The following ABCC4 variants were observed in gnomAD, a reference collection of about 807,000 sequenced individuals.
ABCC4 encodes ATP binding cassette subfamily C member 4 (PEL blood group).
ABCC4 carries 102 observed loss-of-function variants against 168.5 expected under a neutral mutation model. The ratio of observed to expected loss-of-function variants is 0.61; its 90% confidence interval spans 0.52 to 0.71. ABCC4 has a LOEUF of 0.71. ABCC4 is among the 30% of genes least tolerant of loss of function. ABCC4 has a pLI of 0.00. For missense variants in ABCC4, 1,402 were observed against 1,605.8 expected, an observed-to-expected ratio of 0.87 and a Z score of 2.17; for synonymous variants, 617 against 590.7, an observed-to-expected ratio of 1.04 and a Z score of -0.65.
chr13:95,169,666 T>C (rs1465434432), intron 14 of ABCC4, among the ~76,000 whole-genome samples: 1 of 152,032 alleles, frequency 6.6e-6, no homozygotes, highest in African/African-American at 2.4e-5. Flanking sequence ...CTTGCATCTA[T>C]CTCCAGGAAG....
chr13:95,118,380 A>C (rs2035451809), intron 19 of ABCC4, among the ~76,000 whole-genome samples: 1 of 151,810 alleles, frequency 6.6e-6, no homozygotes, highest in African/African-American at 2.4e-5. Context: ...CGTAGCTGAG[A>C]TTACAGGCAC....
chr13:95,285,543 C>T (rs1457521249), intron 1 of ABCC4, among the ~76,000 whole-genome samples: 4 of 152,142 alleles, frequency 2.6e-5, no homozygotes, highest in African/African-American at 9.7e-5. Context: ...GAGCGGGACT[C>T]CATCTCAAAT....
At position 95,196,729 on chromosome 13, in the gene ABCC4, G is replaced by A. The variant is rs895275499; in HGVS notation, c.1162-1792C>T. Among the ~76,000 whole-genome samples the A allele has an allele frequency of 1.9e-4, 19 of 102,230 alleles. 2 individuals carry two copies. The highest frequency in any genetic ancestry group is 4.6e-3 in the Middle Eastern group (1 of 216). 67.1% of individuals were successfully genotyped at this position (102,230 alleles called of 152,430 possible). A position where few individuals can be genotyped will look rare whatever the true frequency, so the allele number is the denominator to read the frequency against. On this transcript the variant is annotated intron_variant, in intron 8 of 30. Transcript: ENST00000645237. ...GGAAGGAAGGAAGGAAGGAAGGAAG[G>A]AAGAAGGGAGGGAGGGAAGGAAGGA... is the stretch of plus-strand genomic sequence containing the variant.
In ABCC4 at chr13:95,236,660, G is replaced by A. The variant is rs536077356; in HGVS notation, c.307-1826C>T. The stretch of plus-strand genomic sequence containing the variant: ...CTTCACCAACTGCACTGCCTTCCAT[G>A]AGGTCATGGAAGTTTTCCCCTATGA... On this transcript the variant is annotated intron_variant, in intron 3 of 30. Transcript: ENST00000645237. 9.2e-5 allele frequency among the ~76,000 whole-genome samples: 14 copies of A among 152,254 alleles called. No individual in the cohort carries two copies. The South Asian group carries it at 2.7e-3, about 29-fold the overall frequency.
chr13:95,133,107 A>ACTTT (rs2036027586), intron 19 of ABCC4, among the ~76,000 whole-genome samples: 2 of 125,496 alleles, frequency 1.6e-5, no homozygotes, highest in South Asian at 4.8e-4. Flanking sequence ...TGATTTTAAA[A>ACTTT]CTTTTTTTTT....
At chr13:95,233,281 T>C (rs2039674546) in intron 4 of ABCC4, among the ~76,000 whole-genome samples, 1 of 147,296 alleles carries the variant, frequency 6.8e-6, no homozygotes, top group South Asian at 2.2e-4. Context: ...GTATTATAAG[T>C]AAACCAAGAT....
At chr13:95,270,743 G>A (rs1379188093) in intron 1 of ABCC4, among the ~76,000 whole-genome samples, 3 of 152,184 alleles carry the variant, frequency 2.0e-5, no homozygotes, top group Non-Finnish European at 4.4e-5. Context: ...CACTGAGTAG[G>A]GAAGCTACAG....
intron 19 of ABCC4, among the ~76,000 whole-genome samples, chr13:95,137,449 T>C (rs1256694864): frequency 6.6e-6 from 1 of 152,074 alleles, no homozygotes; most frequent in Admixed American, 6.5e-5. Flanking sequence ...ATTTTGAAAA[T>C]AATATAGAAA....
At chr13:95,198,509 G>A (rs2038526670) in intron 8 of ABCC4, among the ~76,000 whole-genome samples, 1 of 152,194 alleles carries the variant, frequency 6.6e-6, no homozygotes, top group South Asian at 2.1e-4. Flanking sequence ...CATTGTTGGT[G>A]GGAGTGTAAA....
chr13:95,163,038 A>G, intron 18 of ABCC4, 84 bp downstream of exon 18: 1 of 862,008 alleles, frequency 1.2e-6, no homozygotes, highest in South Asian at 1.4e-5. Context: ...TTACTGAATG[A>G]CTCCTGGAAG....
chr13:95,286,550 T>C (rs2041261251), intron 1 of ABCC4, among the ~76,000 whole-genome samples: 1 of 152,054 alleles, frequency 6.6e-6, no homozygotes, highest in Non-Finnish European at 1.5e-5. Flanking sequence ...TAGATCTTCA[T>C]TTCTGGGGGG....
intron 19 of ABCC4, among the ~76,000 whole-genome samples, chr13:95,140,824 A>G (rs2036295104): frequency 6.6e-6 from 1 of 152,076 alleles, no homozygotes; most frequent in African/African-American, 2.4e-5. Context: ...TCCATCACTC[A>G]CAGGTTATGT....
chr13:95,146,853 G>C (rs1339252935), intron 19 of ABCC4, among the ~76,000 whole-genome samples: 1 of 152,092 alleles, frequency 6.6e-6, no homozygotes, highest in African/African-American at 2.4e-5. Flanking sequence ...TTGTACCTCT[G>C]GCTGATCCTC....
At chr13:95,065,279 T>C (rs954683090) in intron 25 of ABCC4, among the ~76,000 whole-genome samples, 2 of 152,190 alleles carry the variant, frequency 1.3e-5, no homozygotes, top group Admixed American at 6.5e-5. Flanking sequence ...GCATTAACAT[T>C]TGAAAAACAA....
At chr13:95,096,770 GAGA>G (rs2034613621) in intron 20 of ABCC4, among the ~76,000 whole-genome samples, 1 of 152,190 alleles carries the variant, frequency 6.6e-6, no homozygotes, top group East Asian at 1.9e-4. Context: ...CAAAAGCTAG[GAGA>G]AGGTCTCTAG....
At chr13:95,296,253 G>A (rs1292206940) in intron 1 of ABCC4, among the ~76,000 whole-genome samples, 1 of 151,668 alleles carries the variant, frequency 6.6e-6, no homozygotes, top group Non-Finnish European at 1.5e-5. Flanking sequence ...GAAAACCAAG[G>A]CAGGAGGACT....
rs541000987 is a variant in ABCC4 at position 95,053,027 on chromosome 13, A to G, written c.3456+68T>C. On this transcript the variant is annotated intron_variant, in intron 27 of 30. Transcript: ENST00000645237. ...GCTAAGCTCCTCTTAATTTCCTGCAATGCTGTAAAGGTACATATACACATA... is the reference window on the plus strand; with the variant it reads ...GCTAAGCTCCTCTTAATTTCCTGCAGTGCTGTAAAGGTACATATACACATA... 4.4e-6 allele frequency: 6 copies of G among 1,360,672 alleles called. 1 individual carries two copies. Among genetic ancestry groups the G allele is most frequent in the Admixed American group, 1.7e-5 (1 of 59,094 alleles). The allele number at this position is 1,360,672 out of a possible 1,614,324, so 84.3% of individuals were successfully genotyped here.
intron 3 of ABCC4, among the ~76,000 whole-genome samples, chr13:95,235,333 A>G (rs1168352646): frequency 6.6e-6 from 1 of 152,234 alleles, no homozygotes; most frequent in Non-Finnish European, 1.5e-5. Flanking sequence ...CAAAGTCAAT[A>G]AAGTTTTAGT....
intron 8 of ABCC4, among the ~76,000 whole-genome samples, chr13:95,196,673 GA>G (rs2038453557): frequency 4.5e-5 from 2 of 44,262 alleles, no homozygotes; most frequent in African/African-American, 8.7e-5. Context: ...AGGAAGGAAG[GA>G]AGGAAGGAAG....
Sources: gnomAD v4.1 joint callset for allele counts (sites outside exome capture counted in the v4.1 genomes callset) on GRCh38, gnomAD v4.1.1 for gene constraint, MANE v1.5 for transcripts, NCBI Gene and HGNC (gene_info 2026-07-23, HGNC 2026-07-21) for gene names.